Variants in GNAQ observed in about 807,000 individuals in gnomAD.
GNAQ encodes guanine nucleotide-binding protein G(q) subunit alpha.
A neutral mutation model predicts 43.9 loss-of-function variants in GNAQ; 8 were observed. The ratio of observed to expected loss-of-function variants is 0.18; its 90% CI spans 0.11 to 0.33. GNAQ has a LOEUF of 0.33. Ranked by LOEUF, GNAQ falls within the 10% of genes least tolerant of loss-of-function variation. The pLI, the probability that GNAQ is intolerant of heterozygous loss-of-function variation, is 1.00. For missense variants in GNAQ, 158 were observed against 450.8 expected, an observed-to-expected ratio of 0.35 and a Z score of 5.88; for synonymous variants, 155 against 170.7, an observed-to-expected ratio of 0.91 and a Z score of 0.71.
At chr9:77,989,775 G>A (rs187497822) in intron 1 of GNAQ, among the ~76,000 whole-genome samples, 1 of 152,224 alleles carries the variant, frequency 6.6e-6, no homozygotes, top group African/African-American at 2.4e-5. Context: ...TCTGCTACCA[G>A]CAGCCTGCTG....
At chr9:77,946,357 A>G (rs930619801) in intron 1 of GNAQ, among the ~76,000 whole-genome samples, 5 of 152,226 alleles carry the variant, frequency 3.3e-5, no homozygotes, top group Non-Finnish European at 7.3e-5. Flanking sequence ...CAGAGTAACC[A>G]CTATGTCAAT....
intron 5 of GNAQ, among the ~76,000 whole-genome samples, chr9:77,762,081 T>C (rs1202054452): frequency 1.9e-5 from 2 of 105,180 alleles, no homozygotes; most frequent in Admixed American, 9.8e-5. Flanking sequence ...GGTGGGGGGG[T>C]CAGCCCCCCG....
intron 1 of GNAQ, among the ~76,000 whole-genome samples, chr9:77,940,943 G>A (rs1361728325): frequency 1.3e-5 from 2 of 150,548 alleles, no homozygotes; most frequent in Non-Finnish European, 2.9e-5. Context: ...CAGCCTGGGC[G>A]ACAGAGCGAG....
intron 4 of GNAQ, among the ~76,000 whole-genome samples, chr9:77,795,756 G>A (rs751448419): frequency 6.6e-6 from 1 of 152,124 alleles, no homozygotes; most frequent in Non-Finnish European, 1.5e-5. Flanking sequence ...TGAATAATAC[G>A]CTACTAATTT....
intron 5 of GNAQ, among the ~76,000 whole-genome samples, chr9:77,767,340 C>A (rs1351216033): frequency 5.3e-5 from 8 of 152,034 alleles, no homozygotes; most frequent in African/African-American, 1.9e-4. Flanking sequence ...ATTGTGAGAA[C>A]CCAAATGTCT....
At chr9:78,030,270 G>C (rs1232277823) in intron 1 of GNAQ, among the ~76,000 whole-genome samples, 4 of 152,146 alleles carry the variant, frequency 2.6e-5, no homozygotes, top group Non-Finnish European at 5.9e-5. Flanking sequence ...TTAAACAAAA[G>C]ATACCGGTCG....
chr9:77,913,624 G>A (rs1828844735), intron 2 of GNAQ, among the ~76,000 whole-genome samples: 1 of 152,244 alleles, frequency 6.6e-6, no homozygotes, highest in East Asian at 1.9e-4. Flanking sequence ...ACACAATGTT[G>A]AGTAAAATAA....
At chr9:77,788,308 T>C (rs947713631) in intron 5 of GNAQ, among the ~76,000 whole-genome samples, 10 of 152,058 alleles carry the variant, frequency 6.6e-5, no homozygotes, top group African/African-American at 1.7e-4. Flanking sequence ...AGTCACGTAA[T>C]AGAGTGACAT....
At chr9:77,989,374 A>T (rs1823481156) in intron 1 of GNAQ, among the ~76,000 whole-genome samples, 1 of 152,212 alleles carries the variant, frequency 6.6e-6, no homozygotes, top group Non-Finnish European at 1.5e-5. Flanking sequence ...CGAATGTTGA[A>T]TCCTGAATTG....
intron 5 of GNAQ, among the ~76,000 whole-genome samples, chr9:77,777,597 A>G (rs1162425774): frequency 6.6e-6 from 1 of 152,046 alleles, no homozygotes; most frequent in African/African-American, 2.4e-5. Flanking sequence ...TTCTGATAAA[A>G]GTCTAGTCTC....
intron 5 of GNAQ, among the ~76,000 whole-genome samples, chr9:77,764,940 C>T (rs1208338331): frequency 1.3e-5 from 2 of 152,094 alleles, no homozygotes; most frequent in African/African-American, 4.8e-5. Context: ...CAGACTCTTC[C>T]GTGTTAACAT....
intron 2 of GNAQ, among the ~76,000 whole-genome samples, chr9:77,839,453 G>C (rs1827447152): frequency 6.6e-6 from 1 of 152,226 alleles, no homozygotes; most frequent in Non-Finnish European, 1.5e-5. Context: ...ATACTGGGGA[G>C]AGAAGGGTAA....
intron 2 of GNAQ, among the ~76,000 whole-genome samples, chr9:77,918,389 G>C (rs765431480): frequency 7.2e-5 from 11 of 151,952 alleles, no homozygotes; most frequent in Non-Finnish European, 1.3e-4. Flanking sequence ...TATATCTTTA[G>C]TGTCACAATA....
At chr9:77,722,545 A>G (rs1284735795) in intron 6 of GNAQ, among the ~76,000 whole-genome samples, 1 of 152,054 alleles carries the variant, frequency 6.6e-6, no homozygotes, top group African/African-American at 2.4e-5. Context: ...TAAAAATGTA[A>G]TTTTGCAATG....
chr9:77,798,411 T>C (rs1826692081), intron 3 of GNAQ, among the ~76,000 whole-genome samples: 1 of 152,146 alleles, frequency 6.6e-6, no homozygotes, highest in Non-Finnish European at 1.5e-5. Context: ...CCCCAAACAA[T>C]AACATCTTAC....
intron 5 of GNAQ, among the ~76,000 whole-genome samples, chr9:77,747,577 G>A (rs180823238): frequency 6.6e-6 from 1 of 152,220 alleles, no homozygotes; most frequent in Non-Finnish European, 1.5e-5. Context: ...CAGCAGGAAT[G>A]GTCCAAAGAC....
chr9:77,733,837 A>AG (rs1415991082), intron 5 of GNAQ, among the ~76,000 whole-genome samples: 1 of 152,248 alleles, frequency 6.6e-6, no homozygotes, highest in Non-Finnish European at 1.5e-5. Flanking sequence ...GCTGTGCAGT[A>AG]GATCAGGGAA....
intron 3 of GNAQ, among the ~76,000 whole-genome samples, chr9:77,811,650 C>T (rs958901400): frequency 2.0e-5 from 3 of 152,160 alleles, no homozygotes; most frequent in African/African-American, 4.8e-5. Context: ...CTATGATGCC[C>T]AGGTCCTATT....
intron 1 of GNAQ, among the ~76,000 whole-genome samples, chr9:77,991,951 CT>C (rs1383943138): frequency 6.6e-6 from 1 of 152,172 alleles, no homozygotes; most frequent in Non-Finnish European, 1.5e-5. Context: ...GCCACATTTT[CT>C]TTATCCACTT....
Sources: allele counts gnomAD v4.1 joint callset (sites outside exome capture counted in the v4.1 genomes callset), GRCh38; gene constraint gnomAD v4.1.1; transcripts MANE v1.5; gene names NCBI Gene and HGNC (gene_info 2026-07-23, HGNC 2026-07-21).